The following ODF2 variants were observed in gnomAD, a reference collection of about 807,000 sequenced individuals.
The protein encoded by ODF2 is outer dense fiber of sperm tails 2, also known as outer dense fiber protein 2.
A neutral mutation model predicts 110.2 loss-of-function variants in ODF2; 47 were observed. The ratio of observed to expected loss-of-function variants is 0.43; its 90% CI spans 0.34 to 0.54. The LOEUF (loss-of-function observed/expected upper bound fraction) is 0.54. Ranked by LOEUF, ODF2 falls within the 20% of genes least tolerant of loss-of-function variation. The probability of loss-of-function intolerance (pLI) is 0.03; values close to 1 mark genes in which losing one functional copy is unlikely to be tolerated. For synonymous variants in ODF2, 352 were observed against 397.7 expected (o/e 0.89, Z 1.37); for missense variants, 812 against 1,054.5 (o/e 0.77, Z 3.19).
chr9:128,477,127 G>A (rs1841445631), intron 8 of ODF2, among the ~76,000 whole-genome samples: 1 of 151,550 alleles, frequency 6.6e-6, no homozygotes, highest in Admixed American at 6.6e-5. Context: ...AACTACTCGG[G>A]AGGCTGAGGC....
In ODF2 at chr9:128,497,447, ATATATATATATATATATATATATATAT is replaced by A. The variant is rs1180623996; in HGVS notation, c.2013-965_2013-939del. On this transcript the variant is annotated intron_variant, in intron 18 of 20. Coordinates refer to ENST00000604420, the Ensembl canonical transcript of ODF2. ...CTAAAAAAAAAAAAAAAAAAAAAAA[ATATATATATATATATATATATATATAT>A]ATATATATATATGTATAAAATTAGC... is the stretch of plus-strand genomic sequence containing the variant. The A allele has an allele frequency of 9.0e-4, 34 of 37,868 alleles. No individual in the cohort carries two copies. In the East Asian group the frequency reaches 0.012, roughly 13 times the overall value. 2.3% of individuals were successfully genotyped at this position (37,868 alleles called of 1,614,324 possible).
Position 128,487,758 on chromosome 9 carries a change from G to T in ODF2, c.1401-132G>T. 18 of 1,081,814 alleles carry T rather than the reference G, an allele frequency of 1.7e-5. No homozygotes were observed. In the South Asian group the frequency reaches 2.7e-4, roughly 16 times the overall value. 67.0% of individuals were successfully genotyped at this position (1,081,814 alleles called of 1,614,324 possible). On this transcript the variant is annotated intron_variant, in intron 13 of 20. Coordinates refer to ENST00000604420, the Ensembl canonical transcript of ODF2. Reference sequence around the variant, plus strand: ...GCCAAGATCGCGCCACTGCACTCCAGCCTAGGTGACAGAGCGAGACTCCGT... The same window carrying T: ...GCCAAGATCGCGCCACTGCACTCCATCCTAGGTGACAGAGCGAGACTCCGT...
chr9:128,481,486 A>C (rs1391672884), intron 8 of ODF2, 94 bp from the exon 9 acceptor site: 2 of 1,009,696 alleles, frequency 2.0e-6, no homozygotes, highest in East Asian at 2.7e-5. Context: ...AAAAAAAAAA[A>C]TACAATTTTT....
At chr9:128,455,912 C>T (rs1249900954), upstream of ODF2, 2 of 1,355,198 alleles carry the variant, frequency 1.5e-6, no homozygotes, top group African/African-American at 3.0e-5. Context: ...GCGGGAAAGG[C>T]CTTGAATGGG....
At chr9:128,489,614 C>A (rs1165527459) in intron 14 of ODF2, among the ~76,000 whole-genome samples, 2 of 152,216 alleles carry the variant, frequency 1.3e-5, no homozygotes, top group African/African-American at 4.8e-5. Flanking sequence ...TATGAACACA[C>A]CACAGTATAT....
At chr9:128,496,404 A>T in intron 18 of ODF2, 2 of 1,266,924 alleles carry the variant, frequency 1.6e-6, no homozygotes, top group South Asian at 1.4e-5. Context: ...CCCAAAAGGC[A>T]TGCCTGGTCC....
chr9:128,462,622 C>T (rs1005772907), intron 4 of ODF2, among the ~76,000 whole-genome samples: 5 of 145,918 alleles, frequency 3.4e-5, no homozygotes, highest in Admixed American at 2.1e-4. Context: ...TTTTTTGAGA[C>T]GGAGTCTCGC....
At chr9:128,487,558 C>G (rs868395075) in intron 13 of ODF2, among the ~76,000 whole-genome samples, 1 of 151,984 alleles carries the variant, frequency 6.6e-6, no homozygotes, top group African/African-American at 2.4e-5. Context: ...GAGGCCGAGG[C>G]GGGCAGATCA....
chr9:128,466,341 C>T (rs1196086413), intron 4 of ODF2, among the ~76,000 whole-genome samples: 8 of 151,728 alleles, frequency 5.3e-5, no homozygotes, highest in African/African-American at 1.9e-4. Context: ...GTGGTGTGCA[C>T]TTGTGGTCCC....
chr9:128,492,594 C>A lies in ODF2; in HGVS notation c.1647+58C>A, dbSNP rs1174410439. The A allele has an allele frequency of 6.0e-6, 9 of 1,499,870 alleles. No individual in the cohort carries two copies. In the Admixed American group the frequency reaches 6.9e-5, roughly 12 times the overall value. 92.9% of individuals were successfully genotyped at this position (1,499,870 alleles called of 1,614,324 possible). The stretch of plus-strand genomic sequence containing the variant: ...CAGTGCCCTCCCTGCCCCCATCAGA[C>A]TGGGGGCTCCCTACCAGGCCACTCC... On this transcript the variant is annotated intron_variant, in intron 15 of 20. Transcript: ENST00000604420.
intron 8 of ODF2, among the ~76,000 whole-genome samples, chr9:128,474,448 G>A (rs1840786659): frequency 6.6e-6 from 1 of 151,962 alleles, no homozygotes; most frequent in Admixed American, 6.6e-5. Flanking sequence ...AGCTGAGATC[G>A]CGTCACTGCA....
At chr9:128,486,063 T>C (rs1843306277) in intron 13 of ODF2, among the ~76,000 whole-genome samples, 1 of 152,168 alleles carries the variant, frequency 6.6e-6, no homozygotes, top group Non-Finnish European at 1.5e-5. Flanking sequence ...ATTGAGCATC[T>C]ACCATATACC....
At chr9:128,483,801 G>T (rs889525731) in intron 10 of ODF2, 137 bp from the exon 11 acceptor site, 3 of 693,750 alleles carry the variant, frequency 4.3e-6, no homozygotes, top group African/African-American at 1.8e-5. Context: ...CGGGAGAATC[G>T]CTGGAGCCCA....
intron 6 of ODF2, among the ~76,000 whole-genome samples, chr9:128,472,504 C>T (rs966843354): frequency 2.2e-4 from 34 of 152,298 alleles, no homozygotes; most frequent in African/African-American, 7.7e-4. Flanking sequence ...CCACTGTATC[C>T]AGCCTACAGC....
chr9:128,460,510 C>T, intron 3 of ODF2, 40 bp from the exon 3 acceptor site: 1 of 1,607,446 alleles, frequency 6.2e-7, no homozygotes, highest in Non-Finnish European at 8.5e-7. Context: ...TACTCATCCA[C>T]AGATCAACCA....
At chr9:128,472,447 G>A (rs1184545018) in intron 6 of ODF2, among the ~76,000 whole-genome samples, 2 of 152,180 alleles carry the variant, frequency 1.3e-5, no homozygotes. Flanking sequence ...GATCTCAAGT[G>A]ATCTGCCCAC....
Position 128,496,194 on chromosome 9 carries a change from A to G in ODF2, c.2012+53A>G, listed in dbSNP as rs1054792490. 4 of 1,610,050 alleles carry G rather than the reference A, an allele frequency of 2.5e-6. No homozygotes were observed. In the African/African-American group the frequency reaches 5.3e-5, roughly 21 times the overall value. On this transcript the variant is annotated intron_variant, in intron 18 of 20. Coordinates refer to ENST00000604420, the Ensembl canonical transcript of ODF2. ...CCTCTTCCTAGGACCTGAGACTTTC[A>G]GCCACTTAGCTGTTTTTTGCTTAGT...
chr9:128,487,205 C>T (rs1291581022), intron 13 of ODF2, among the ~76,000 whole-genome samples: 1 of 152,180 alleles, frequency 6.6e-6, no homozygotes, highest in East Asian at 1.9e-4. Context: ...CCTTGGCCTC[C>T]CAAAGCACTG....
chr9:128,477,041 C>T (rs1481991417), intron 8 of ODF2, among the ~76,000 whole-genome samples: 1 of 151,066 alleles, frequency 6.6e-6, no homozygotes, highest in Non-Finnish European at 1.5e-5. Context: ...GTCAGGAGTT[C>T]GAGACCAGCC....
Sources: allele counts gnomAD v4.1 joint callset (sites outside exome capture counted in the v4.1 genomes callset), GRCh38; gene constraint gnomAD v4.1.1; transcripts MANE v1.5; gene names NCBI Gene and HGNC (gene_info 2026-07-23, HGNC 2026-07-21).